LPP: variants seen among roughly 807,000 people sequenced by gnomAD.
The protein encoded by LPP is lipoma-preferred partner.
LPP carries 38 observed loss-of-function variants against 60.4 expected under a neutral mutation model. The ratio of observed to expected loss-of-function variants is 0.63; its 90% CI spans 0.49 to 0.83. The LOEUF is 0.83. Ranked by LOEUF, LPP falls within the 40% of genes least tolerant of loss-of-function variation. The probability of loss-of-function intolerance (pLI) is 0.00; values close to 1 mark genes in which losing one functional copy is unlikely to be tolerated. For synonymous variants in LPP, 328 were observed against 290.8 expected (o/e 1.13, Z -1.30); for missense variants, 902 against 783.6 (o/e 1.15, Z -1.80).
chr3:188,529,057 A>G (rs1011228657), intron 6 of LPP, among the ~76,000 whole-genome samples: 1 of 152,188 alleles, frequency 6.6e-6, no homozygotes, highest in Non-Finnish European at 1.5e-5. Context: ...TTCTATTACT[A>G]TGATTTAACA....
intron 3 of LPP, among the ~76,000 whole-genome samples, chr3:188,373,959 T>G (rs897125882): frequency 1.3e-5 from 2 of 152,224 alleles, no homozygotes; most frequent in African/African-American, 4.8e-5. Flanking sequence ...ATTTATTAAA[T>G]AGGGAATCCT....
At chr3:188,255,583 T>C (rs1731390945) in intron 2 of LPP, among the ~76,000 whole-genome samples, 1 of 152,240 alleles carries the variant, frequency 6.6e-6, no homozygotes, top group African/African-American at 2.4e-5. Context: ...CACAGTTGTT[T>C]CCAGTGCTGG....
At chr3:188,788,084 T>C (rs775399123) in intron 9 of LPP, among the ~76,000 whole-genome samples, 4 of 152,240 alleles carry the variant, frequency 2.6e-5, no homozygotes, top group Non-Finnish European at 5.9e-5. Flanking sequence ...TTCCTCTTCC[T>C]TCAGTATCCC....
At chr3:188,462,542 CTTTATATA>C (rs1430746161) in intron 4 of LPP, among the ~76,000 whole-genome samples, 824 of 64,272 alleles carry the variant, frequency 0.013, 42 homozygotes, top group African/African-American at 0.026. Flanking sequence ...TTTATATGAG[CTTTATATA>C]TATATATATA....
chr3:188,365,393 C>T (rs73055546), intron 3 of LPP, among the ~76,000 whole-genome samples: 1,915 of 152,304 alleles, frequency 0.013, 38 homozygotes, highest in African/African-American at 0.042. Flanking sequence ...GTGTCTGTCT[C>T]GCCTCTGCTC....
chr3:188,656,127 G>A (rs1209334066), intron 7 of LPP, among the ~76,000 whole-genome samples: 3 of 151,702 alleles, frequency 2.0e-5, no homozygotes, highest in African/African-American at 4.8e-5. Flanking sequence ...AGGAGGTGGA[G>A]GTTGCAGTGA....
intron 9 of LPP, among the ~76,000 whole-genome samples, chr3:188,807,042 A>G (rs986527511): frequency 2.6e-5 from 4 of 151,638 alleles, no homozygotes; most frequent in African/African-American, 7.3e-5. Flanking sequence ...AGCTCCCTTC[A>G]ATATTTCTTC....
intron 4 of LPP, among the ~76,000 whole-genome samples, chr3:188,456,266 G>T (rs1797717855): frequency 6.6e-6 from 1 of 152,164 alleles, no homozygotes; most frequent in Non-Finnish European, 1.5e-5. Context: ...CTATGCATGT[G>T]TGTACATGCA....
chr3:188,282,949 CACTCTGTA>C (rs1742614475), intron 2 of LPP, among the ~76,000 whole-genome samples: 4 of 152,132 alleles, frequency 2.6e-5, no homozygotes. Context: ...CATTTATAGG[CACTCTGTA>C]ACTGTTAAAT....
At chr3:188,567,789 A>T (rs1050133746) in intron 6 of LPP, among the ~76,000 whole-genome samples, 3 of 151,948 alleles carry the variant, frequency 2.0e-5, no homozygotes, top group African/African-American at 7.2e-5. Context: ...TCCTCTTCTC[A>T]TGCATATCAA....
chr3:188,350,542 T>C lies in LPP; in HGVS notation c.-10+8823T>C, dbSNP rs544040168. ...CTTCCTTTTGGTGAACCCTAGACTC[T>C]ATCTGCAAAATATGAGCTTTGAACA... On this transcript the variant is annotated intron_variant, in intron 3 of 11. Coordinates refer to ENST00000617246, the MANE Select transcript of LPP (RefSeq NM_001375462.1). 3.9e-5 allele frequency among the ~76,000 whole-genome samples: 6 copies of C among 152,288 alleles called. No individual in the cohort carries two copies. In the South Asian group the frequency reaches 8.3e-4, roughly 21 times the overall value.
chr3:188,334,841 C>T (rs1239430667), intron 2 of LPP, among the ~76,000 whole-genome samples: 1 of 152,096 alleles, frequency 6.6e-6, no homozygotes, highest in Non-Finnish European at 1.5e-5. Context: ...GCATCTTTGC[C>T]AGCGTTTCTT....
chr3:188,607,676 G>T (rs572761579), intron 6 of LPP, among the ~76,000 whole-genome samples: 1 of 151,558 alleles, frequency 6.6e-6, no homozygotes. Flanking sequence ...GTTTTATTAT[G>T]ATTTAACATT....
chr3:188,409,916 A>C (rs1784503647), intron 4 of LPP, among the ~76,000 whole-genome samples: 1 of 152,200 alleles, frequency 6.6e-6, no homozygotes, highest in African/African-American at 2.4e-5. Context: ...CCGAGTTGGC[A>C]CTCAAGTCTT....
chr3:188,603,023 A>AAATAAT (rs57026715), intron 6 of LPP, among the ~76,000 whole-genome samples: 13,246 of 146,396 alleles, frequency 0.09, 640 homozygotes, highest in Middle Eastern at 0.14. Flanking sequence ...CTTGTGTTTG[A>AAATAAT]AATAATAATA....
At chr3:188,383,528 GT>G (rs1777436296) in intron 3 of LPP, among the ~76,000 whole-genome samples, 1 of 151,998 alleles carries the variant, frequency 6.6e-6, no homozygotes, top group Admixed American at 6.6e-5. Context: ...AGTTTCTTCA[GT>G]CCTTTTAATT....
At chr3:188,797,422 T>C in intron 9 of LPP, among the ~76,000 whole-genome samples, 1 of 152,332 alleles carries the variant, frequency 6.6e-6, no homozygotes, top group East Asian at 1.9e-4. Flanking sequence ...TGCTGCCTAA[T>C]GTTTGTTCCT....
intron 1 of LPP, chr3:188,180,657 G>T (rs1028520099): frequency 1.3e-5 from 2 of 153,798 alleles, no homozygotes; most frequent in South Asian, 4.1e-4. Flanking sequence ...CATTGTTTAC[G>T]TTTCTAATAT....
chr3:188,306,403 A>G (rs935035389), intron 2 of LPP, among the ~76,000 whole-genome samples: 1 of 152,082 alleles, frequency 6.6e-6, no homozygotes, highest in African/African-American at 2.4e-5. Flanking sequence ...AATTGTGATC[A>G]TGGAAAGTAC....
Sources: gnomAD v4.1 joint callset for allele counts (sites outside exome capture counted in the v4.1 genomes callset) on GRCh38, gnomAD v4.1.1 for gene constraint, MANE v1.5 for transcripts, NCBI Gene and HGNC (gene_info 2026-07-23, HGNC 2026-07-21) for gene names.